The following SPATA3 variants were observed in gnomAD, a reference collection of about 807,000 sequenced individuals.
The protein encoded by SPATA3 is spermatogenesis-associated protein 3.
Under a neutral mutation model 5.7 loss-of-function variants are expected in SPATA3, and 6 were observed. The observed-to-expected ratio is 1.06, with a 90% CI of 0.58 to 2.09. The LOEUF is 2.09. Ranked by LOEUF, SPATA3 falls within the 30% of genes most tolerant of loss-of-function variation. The pLI is 0.00. For missense variants in SPATA3, 155 were observed against 130.4 expected (o/e 1.19, Z -0.92); for synonymous variants, 44 against 48.4 (o/e 0.91, Z 0.37).
chr2:231,017,103 T>G (rs1401872703), intron 6 of SPATA3, among the ~76,000 whole-genome samples: 12 of 152,226 alleles, frequency 7.9e-5, no homozygotes, highest in Admixed American at 7.2e-4. Flanking sequence ...GAGCTTACCT[T>G]AGTGCCCATG....
At chr2:231,019,370 C>T (rs1175012344) in intron 6 of SPATA3, among the ~76,000 whole-genome samples, 4 of 150,422 alleles carry the variant, frequency 2.7e-5, no homozygotes, top group South Asian at 2.1e-4. Flanking sequence ...GTTGCCCAGG[C>T]TGGAGTGCAG....
Position 231,000,450 on chromosome 2 carries a change from G to T in SPATA3, c.875G>T (p.Cys292Phe), listed in dbSNP as rs982198470. 4.5e-6 allele frequency: 7 copies of T among 1,549,968 alleles called. No homozygotes were observed. Among genetic ancestry groups the T allele is most frequent in the Non-Finnish European group, 6.1e-6 (7 of 1,145,778 alleles). The stretch of plus-strand genomic sequence containing the variant: ...GCTTGCTGGCGTCGTCTGGGGCTAT[G>T]CCATAGCCGCATCTTCGATGTCCTT... The change falls in exon 2 of 3, where the codon TGC (cysteine) becomes TTC (phenylalanine). Residue 292 changes from cysteine (C) to phenylalanine (F), a missense_variant. Coordinates refer to ENST00000645363, the Ensembl canonical transcript of SPATA3.
intron 6 of SPATA3, among the ~76,000 whole-genome samples, chr2:231,019,185 G>A (rs541422390): frequency 1.3e-5 from 2 of 150,964 alleles, no homozygotes; most frequent in Non-Finnish European, 2.9e-5. Flanking sequence ...TAGCCAGGAT[G>A]GTCTCGATCT....
At chr2:231,011,263 C>A (rs1264631268), downstream of SPATA3, among the ~76,000 whole-genome samples, 1 of 152,126 alleles carries the variant, frequency 6.6e-6, no homozygotes, top group South Asian at 2.1e-4. Flanking sequence ...TACAAGCATA[C>A]GCCACCACAT....
chr2:231,004,605 C>T (rs529104703), downstream of SPATA3, among the ~76,000 whole-genome samples: 5 of 152,250 alleles, frequency 3.3e-5, no homozygotes, highest in African/African-American at 1.2e-4. Context: ...TGGATGCTGG[C>T]CACTGGCAAC....
chr2:231,016,640 G>A (rs887564192), intron 6 of SPATA3, among the ~76,000 whole-genome samples: 6 of 152,110 alleles, frequency 3.9e-5, no homozygotes, highest in Non-Finnish European at 5.9e-5. Context: ...AGCCAATATC[G>A]TGCCACTGCC....
At chr2:231,009,042 G>A (rs1022616668), downstream of SPATA3, among the ~76,000 whole-genome samples, 2 of 152,226 alleles carry the variant, frequency 1.3e-5, no homozygotes, top group African/African-American at 4.8e-5. Context: ...GCAGGGGGCT[G>A]ATTGGCCAGG....
chr2:231,006,012 A>AAT (rs1432080171), downstream of SPATA3, among the ~76,000 whole-genome samples: 1 of 151,368 alleles, frequency 6.6e-6, no homozygotes. Context: ...AAAAAAAAAA[A>AAT]AAAGAGAAAG....
chr2:231,018,272 GAAGA>G (rs1482530075), intron 6 of SPATA3, among the ~76,000 whole-genome samples: 1 of 151,986 alleles, frequency 6.6e-6, no homozygotes, highest in Admixed American at 6.6e-5. Context: ...CATATTGCAG[GAAGA>G]AAGACTGAAG....
intron 6 of SPATA3, among the ~76,000 whole-genome samples, chr2:231,016,497 C>T (rs1248027841): frequency 3.9e-5 from 5 of 127,024 alleles, no homozygotes; most frequent in African/African-American, 1.7e-4. Flanking sequence ...TGGTGAAACC[C>T]TGTCTCTACA....
rs1373002166 is a variant in SPATA3, at chr2:230,996,238, A to G, written c.791-4128A>G. 5 of 1,550,164 alleles carry G rather than the reference A, an allele frequency of 3.2e-6. No individual in the cohort carries two copies. The African/African-American group carries it at 6.9e-5, about 21-fold the overall frequency. ...TTTAGGTTGGGAGGATCTACCATGA[A>G]GAAGGTCAAGAAGAAAAGGTCAGAG... is the stretch of plus-strand genomic sequence containing the variant. On this transcript the variant is annotated intron_variant, in intron 1 of 2. Transcript: ENST00000645363.
chr2:231,009,274 T>TCCA (rs1254349856), downstream of SPATA3, among the ~76,000 whole-genome samples: 1 of 152,086 alleles, frequency 6.6e-6, no homozygotes, highest in Non-Finnish European at 1.5e-5. Flanking sequence ...CCCGTTTTCC[T>TCCA]CCACCACCAC....
At chr2:231,008,720 A>G (rs1192752325), downstream of SPATA3, among the ~76,000 whole-genome samples, 1 of 152,206 alleles carries the variant, frequency 6.6e-6, no homozygotes, top group East Asian at 1.9e-4. Flanking sequence ...TGGCATATTG[A>G]GGTCCCCCTT....
At chr2:231,011,072 C>CAAAAAAAAAAAAAAAAAAA (rs556496371), downstream of SPATA3, among the ~76,000 whole-genome samples, 11 of 79,828 alleles carry the variant, frequency 1.4e-4, no homozygotes, top group East Asian at 3.7e-4. Flanking sequence ...GACCCTGTCT[C>CAAAAAAAAAAAAAAAAAAA]AAAAAAAAAA....
downstream of SPATA3, among the ~76,000 whole-genome samples, chr2:231,006,134 G>A (rs185607257): frequency 5.4e-5 from 8 of 148,658 alleles, no homozygotes; most frequent in Non-Finnish European, 8.9e-5. Context: ...GTTGGAGGTT[G>A]CAATGAGCTA....
At chr2:230,999,494 G>A (rs1692264768) in intron 1 of SPATA3, 1 of 152,208 alleles carries the variant, frequency 6.6e-6, no homozygotes, top group Admixed American at 6.5e-5. Flanking sequence ...AGTCTAAGCA[G>A]AAAGTGTATT....
downstream of SPATA3, chr2:231,002,840 C>T (rs78887554): frequency 8.6e-4 from 1,058 of 1,233,234 alleles, 25 homozygotes; most frequent in East Asian, 0.028. Flanking sequence ...ATGTTGAGCG[C>T]TCTGTCCCTT....
At chr2:231,005,304 C>A (rs796720082), downstream of SPATA3, among the ~76,000 whole-genome samples, 1 of 14,620 alleles carries the variant, frequency 6.8e-5, no homozygotes, top group Non-Finnish European at 1.4e-4. Context: ...ATCACCACCA[C>A]CATCACCACC....
At chr2:231,002,256 C>T (rs1342087670) in intron 2 of SPATA3, among the ~76,000 whole-genome samples, 1 of 152,198 alleles carries the variant, frequency 6.6e-6, no homozygotes, top group Non-Finnish European at 1.5e-5. Flanking sequence ...TTGCCTTAGT[C>T]ATGTTTTCCT....
Sources: allele counts gnomAD v4.1 joint callset (sites outside exome capture counted in the v4.1 genomes callset), GRCh38; gene constraint gnomAD v4.1.1; transcripts MANE v1.5; gene names NCBI Gene and HGNC (gene_info 2026-07-23, HGNC 2026-07-21).